Variants in TMEM131 observed in about 807,000 individuals in gnomAD.
TMEM131 encodes transmembrane protein 131, also known as 2610524E03Rik.
A neutral mutation model predicts 211.6 loss-of-function variants in TMEM131; 66 were observed. That is an observed-to-expected ratio of 0.31 (90% CI 0.26 to 0.38). The LOEUF (loss-of-function observed/expected upper bound fraction) is 0.38, where lower values mean the gene tolerates loss of function less well. Ranked by LOEUF, TMEM131 falls within the 10% of genes least tolerant of loss-of-function variation. TMEM131 has a pLI of 1.00. For missense variants in TMEM131, 2,036 were observed against 2,299.3 expected (o/e 0.89, Z 2.34); for synonymous variants, 844 against 841.3 (o/e 1.00, Z -0.06).
chr2:97,881,487 C>T (rs905364287), intron 4 of TMEM131, among the ~76,000 whole-genome samples: 4 of 151,840 alleles, frequency 2.6e-5, no homozygotes, highest in African/African-American at 4.8e-5. Flanking sequence ...CGATTACAGG[C>T]GTGAGCCACA....
At chr2:97,759,201 T>A in intron 39 of TMEM131, 148 bp from the exon 40 acceptor site, 1 of 970,752 alleles carries the variant, frequency 1.0e-6, no homozygotes, top group Non-Finnish European at 1.6e-6. Flanking sequence ...CCAGAGGAAG[T>A]AGGGGCAGGA....
intron 5 of TMEM131, among the ~76,000 whole-genome samples, chr2:97,848,791 T>C (rs1450492851): frequency 1.3e-5 from 2 of 152,090 alleles, no homozygotes; most frequent in South Asian, 2.1e-4. Context: ...GCATGACCCA[T>C]AAAAGAACAA....
At chr2:97,947,016 T>C (rs1487707514) in intron 1 of TMEM131, among the ~76,000 whole-genome samples, 1 of 151,950 alleles carries the variant, frequency 6.6e-6, no homozygotes, top group Non-Finnish European at 1.5e-5. Flanking sequence ...TCATCATCCA[T>C]TCATGGTAAA....
intron 1 of TMEM131, among the ~76,000 whole-genome samples, chr2:97,979,990 C>G (rs1426648075): frequency 2.0e-5 from 3 of 152,114 alleles, no homozygotes; most frequent in African/African-American, 7.2e-5. Context: ...TACTAATTGT[C>G]CTAATTTCAA....
intron 19 of TMEM131, among the ~76,000 whole-genome samples, chr2:97,806,470 A>G (rs1681301199): frequency 6.6e-6 from 1 of 151,990 alleles, no homozygotes; most frequent in Non-Finnish European, 1.5e-5. Flanking sequence ...GAACTCGGGA[A>G]GCGGAGGCTG....
chr2:97,823,435 A>C (rs1231928694), intron 11 of TMEM131, among the ~76,000 whole-genome samples: 1 of 152,200 alleles, frequency 6.6e-6, no homozygotes, highest in African/African-American at 2.4e-5. Flanking sequence ...CTTTGATCTC[A>C]CTTGGAGAGA....
In TMEM131 at chr2:97,837,101, T is replaced by C. The variant is rs775326093; in HGVS notation, c.780A>G (p.Gln260=). The C allele has an allele frequency of 2.5e-6, 4 of 1,612,530 alleles. No homozygotes were observed. Among genetic ancestry groups the C allele is most frequent in the South Asian group, 2.2e-5 (2 of 90,968 alleles). Reference sequence around the variant, plus strand: ...CCCACAGTTTTCTGGTACCTCCTTGTTGACCCGTTGGGAGTTCTAGGTGAA... The same window carrying C: ...CCCACAGTTTTCTGGTACCTCCTTGCTGACCCGTTGGGAGTTCTAGGTGAA... ...GDLHLELPTG[Q]QGGTRKLWEI... The change falls in exon 8 of 41, where the codon CAA becomes CAG. Residue 260 remains glutamine (Q), a synonymous_variant. Transcript: ENST00000186436.
Position 97,760,586 on chromosome 2 carries a change from A to G in TMEM131, c.5108+7T>C, listed in dbSNP as rs1055695202. 2.5e-6 allele frequency: 4 copies of G among 1,606,394 alleles called. No individual in the cohort carries two copies. The highest frequency in any genetic ancestry group is 3.4e-5 in the Admixed American group (2 of 58,794). On this transcript the variant is annotated splice_region_variant and intron_variant, in intron 38 of 40. Coordinates refer to ENST00000186436, the MANE Select transcript of TMEM131 (RefSeq NM_015348.2). Reference sequence around the variant, plus strand: ...TCTTTCTAGCGGTTAGTGGTGGTCTACCGTACCTGTCTGAGCCATCGCTGT... The same window carrying G: ...TCTTTCTAGCGGTTAGTGGTGGTCTGCCGTACCTGTCTGAGCCATCGCTGT...
In TMEM131 at chr2:97,859,394, G is replaced by A; in HGVS notation, c.393C>T (p.Tyr131=). 6.3e-7 allele frequency: 1 copy of A among 1,591,660 alleles called. No homozygotes were observed. Among genetic ancestry groups the A allele is most frequent in the East Asian group, 2.3e-5 (1 of 43,796 alleles). Residue 131 remains tyrosine (Y), a synonymous_variant, in exon 5 of 41, where the codon TAC becomes TAT. Transcript: ENST00000186436. ...TTTCTTCAGAACTAGGATTATGTAA[G>A]TAGACTTTTTCCATTTTTGGCATTC... is the stretch of plus-strand genomic sequence containing the variant. ...PVGMPKMEKV[Y]LHNPSSEETI... is the part of the protein sequence containing the mutation.
chr2:97,768,602 T>C (rs2104789461), intron 33 of TMEM131, among the ~76,000 whole-genome samples: 1 of 152,280 alleles, frequency 6.6e-6, no homozygotes, highest in African/African-American at 2.4e-5. Context: ...AAGCGATTCA[T>C]TTTTTTGAGA....
At chr2:97,835,106 T>C (rs893347419) in intron 8 of TMEM131, among the ~76,000 whole-genome samples, 181 bp from the exon 9 acceptor site, 2 of 152,158 alleles carry the variant, frequency 1.3e-5, no homozygotes, top group Non-Finnish European at 2.9e-5. Context: ...AACTTTAAAA[T>C]GTGAAAAATG....
At chr2:97,879,694 C>T (rs983693609) in intron 4 of TMEM131, among the ~76,000 whole-genome samples, 7 of 152,168 alleles carry the variant, frequency 4.6e-5, no homozygotes, top group African/African-American at 1.7e-4. Flanking sequence ...TTACGATGAT[C>T]CACCTCCACT....
chr2:97,800,370 A>G (rs1376233270), intron 25 of TMEM131, among the ~76,000 whole-genome samples: 1 of 152,182 alleles, frequency 6.6e-6, no homozygotes, highest in Non-Finnish European at 1.5e-5. Flanking sequence ...AGTGTTCTAC[A>G]TCTTGTAAAT....
chr2:97,971,895 T>C (rs149832270), intron 1 of TMEM131, among the ~76,000 whole-genome samples: 6 of 152,090 alleles, frequency 3.9e-5, no homozygotes, highest in African/African-American at 1.2e-4. Flanking sequence ...AAATCCTATA[T>C]AGACAATTCT....
At chr2:97,888,417 T>A (rs1036978642) in intron 3 of TMEM131, among the ~76,000 whole-genome samples, 3 of 152,238 alleles carry the variant, frequency 2.0e-5, no homozygotes, top group African/African-American at 7.2e-5. Flanking sequence ...CGATATACTT[T>A]AATAGGTCGC....
rs61753932 is a variant in TMEM131 at position 97,795,081 on chromosome 2, G to A, written c.3235C>T (p.Arg1079Trp). Reference protein sequence around the residue: ...TPDFTASRVIRELKFITTSGS... With the variant: ...TPDFTASRVIWELKFITTSGS... ...CTGGTTGTTATAAACTTCAGTTCCC[G>A]AATAACTCTAGAAGCTGTAAAATCA... The change falls in exon 29 of 41, where the codon CGG becomes TGG. Residue 1079 changes from arginine (R) to tryptophan (W), a missense_variant. Physicochemically the swap from Arg to Trp is moderately radical, Grantham distance 101 (BLOSUM62 -3). Coordinates refer to ENST00000186436, the MANE Select transcript of TMEM131 (RefSeq NM_015348.2). 3.1e-6 allele frequency: 5 copies of A among 1,613,484 alleles called. No homozygotes were observed. The highest frequency in any genetic ancestry group is 2.2e-5 in the East Asian group (1 of 44,884).
chr2:97,949,817 CAA>C (rs386390704), intron 1 of TMEM131, among the ~76,000 whole-genome samples: 3 of 66,976 alleles, frequency 4.5e-5, no homozygotes, highest in African/African-American at 5.8e-5. Flanking sequence ...GAGACTGTCT[CAA>C]AAAAAAAAAA....
chr2:97,779,417 G>C (rs1178435546), intron 31 of TMEM131, among the ~76,000 whole-genome samples: 1 of 152,206 alleles, frequency 6.6e-6, no homozygotes, highest in Non-Finnish European at 1.5e-5. Context: ...CTTGCCCCTG[G>C]GTGGGCTGAA....
chr2:97,877,194 G>C (rs954048958), intron 4 of TMEM131, among the ~76,000 whole-genome samples: 14 of 152,142 alleles, frequency 9.2e-5, no homozygotes, highest in Non-Finnish European at 1.8e-4. Flanking sequence ...ACTGCTCAAG[G>C]AAATTAAGAG....
Sources: gnomAD v4.1 joint callset for allele counts (sites outside exome capture counted in the v4.1 genomes callset) on GRCh38, gnomAD v4.1.1 for gene constraint, MANE v1.5 for transcripts, NCBI Gene and HGNC (gene_info 2026-07-23, HGNC 2026-07-21) for gene names.